Variants in USP53 observed in about 807,000 individuals in gnomAD.
USP53 encodes the protein ubiquitin carboxyl-terminal hydrolase 53.
A neutral mutation model predicts 94.9 loss-of-function variants in USP53; 71 were observed. The ratio of observed to expected loss-of-function variants is 0.75; its 90% confidence interval spans 0.62 to 0.91. The LOEUF (loss-of-function observed/expected upper bound fraction) is 0.91. USP53 is among the 40% of genes least tolerant of loss of function. The pLI, the probability that USP53 is intolerant of heterozygous loss-of-function variation, is 0.00. For synonymous variants in USP53, 375 were observed against 422.7 expected (o/e 0.89, Z 1.39); for missense variants, 1,173 against 1,281.0 (o/e 0.92, Z 1.29).
chr4:119,288,704 A>G (rs1754379093), intron 17 of USP53, among the ~76,000 whole-genome samples: 1 of 152,074 alleles, frequency 6.6e-6, no homozygotes, highest in Admixed American at 6.5e-5. Context: ...TGGGAGGCCG[A>G]CGCTGGCGGA....
Position 119,292,781 on chromosome 4 carries a change from T to C in USP53, c.2792T>C (p.Ile931Thr), listed in dbSNP as rs755045605. 3 of 1,613,988 alleles carry C rather than the reference T, an allele frequency of 1.9e-6. No individual in the cohort carries two copies. Among genetic ancestry groups the C allele is most frequent in the Non-Finnish European group, 2.5e-6 (3 of 1,179,994 alleles). Residue 931 changes from isoleucine (I) to threonine (T), a missense_variant, in exon 19 of 19, where the codon ATA (isoleucine) becomes ACA (threonine). Coordinates refer to ENST00000692078, the MANE Select transcript of USP53 (RefSeq NM_001371395.1). ...PPPLPPKKYAITSVPQSEKSE... is the reference protein window; with the variant it reads ...PPPLPPKKYATTSVPQSEKSE... Reference sequence around the variant, plus strand: ...CCTTTGCCACCAAAGAAATATGCTATAACCAGTGTGCCACAGTCAGAGAAA... The same window carrying C: ...CCTTTGCCACCAAAGAAATATGCTACAACCAGTGTGCCACAGTCAGAGAAA...
At chr4:119,273,464 C>T (rs562660355) in intron 16 of USP53, 168 bp from the exon 17 acceptor site, 93 of 487,162 alleles carry the variant, frequency 1.9e-4, no homozygotes, top group Non-Finnish European at 3.4e-4. Flanking sequence ...CAGTCTTTAT[C>T]TTCTGTAAAA....
At chr4:119,244,495 T>G (rs1304348931) in intron 5 of USP53, among the ~76,000 whole-genome samples, 1 of 152,198 alleles carries the variant, frequency 6.6e-6, no homozygotes, top group East Asian at 1.9e-4. Flanking sequence ...GTTGTAATAG[T>G]AGTAACAGCC....
intron 5 of USP53, among the ~76,000 whole-genome samples, chr4:119,242,392 C>G (rs1747664247): frequency 6.6e-6 from 1 of 152,134 alleles, no homozygotes; most frequent in African/African-American, 2.4e-5. Context: ...GTTAATTTCT[C>G]TGCTATTGAG....
At chr4:119,290,384 A>G (rs1280854626) in intron 17 of USP53, among the ~76,000 whole-genome samples, 2 of 152,206 alleles carry the variant, frequency 1.3e-5, no homozygotes, top group Non-Finnish European at 1.5e-5. Context: ...GAAGTTAAGT[A>G]TCAATTATTA....
At chr4:119,253,157 G>A (rs182791042) in intron 7 of USP53, among the ~76,000 whole-genome samples, 80 of 151,188 alleles carry the variant, frequency 5.3e-4, no homozygotes, top group African/African-American at 9.9e-4. Context: ...TTATGTGGTC[G>A]GTTTTAGATT....
chr4:119,213,641 G>GATATATATATATATAT lies in USP53; in HGVS notation c.-941-424_-941-409dup, dbSNP rs141285286. Among the ~76,000 whole-genome samples, 696 of 107,984 alleles carry GATATATATATATATAT rather than the reference G, an allele frequency of 6.4e-3. 4 individuals carry two copies. The highest frequency in any genetic ancestry group is 0.014 in the Middle Eastern group (3 of 210). The allele number at this position is 107,984 out of a possible 152,430, so 70.8% of individuals were successfully genotyped here. Reference sequence around the variant, plus strand: ...CCGAAAGTTTCCTTATCTGGAAATAGATATATATATATATATATATGTGTG... The same window carrying GATATATATATATATAT: ...CCGAAAGTTTCCTTATCTGGAAATAGATATATATATATATATATATATATATATATATATATGTGTG... On this transcript the variant is annotated intron_variant, in intron 1 of 18. Transcript: ENST00000692078.
intron 7 of USP53, 73 bp downstream of exon 7, chr4:119,248,955 C>T: frequency 1.3e-6 from 2 of 1,543,302 alleles, no homozygotes. Context: ...AGTGTTGAGA[C>T]AAATGAAACA....
intron 3 of USP53, among the ~76,000 whole-genome samples, chr4:119,223,655 C>T (rs1285340133): frequency 7.9e-5 from 12 of 152,170 alleles, no homozygotes; most frequent in Non-Finnish European, 2.9e-5. Context: ...TCTTTACCAT[C>T]CACATTATTT....
intron 10 of USP53, 24 bp downstream of exon 10, chr4:119,259,949 A>C: frequency 6.5e-7 from 1 of 1,533,506 alleles, no homozygotes; most frequent in Non-Finnish European, 8.9e-7. Flanking sequence ...GGAGAATATT[A>C]GTATGCTTCT....
rs1456229346 is a variant in USP53 at position 119,293,723 on chromosome 4, T to C, written c.*512T>C. ...AGCCTGGTACTTTTTTGTCAAAGAATTGCTTTATGAAGAAGCACTTTCTAA... is the reference window on the plus strand; with the variant it reads ...AGCCTGGTACTTTTTTGTCAAAGAACTGCTTTATGAAGAAGCACTTTCTAA... On this transcript the variant is annotated 3_prime_UTR_variant, in exon 19 of 19. Transcript: ENST00000692078. 6.6e-6 allele frequency: 1 copy of C among 152,234 alleles called. No individual in the cohort carries two copies. Among genetic ancestry groups the C allele is most frequent in the Admixed American group, 6.5e-5 (1 of 15,268 alleles). The allele number at this position is 152,234 out of a possible 1,614,324, so 9.4% of individuals were successfully genotyped here. A position where few individuals can be genotyped will look rare whatever the true frequency, so the allele number is the denominator to read the frequency against.
intron 3 of USP53, among the ~76,000 whole-genome samples, chr4:119,230,512 T>C (rs149834895): frequency 1.4e-3 from 211 of 152,308 alleles, no homozygotes; most frequent in African/African-American, 4.9e-3. Flanking sequence ...TGACCCTTGA[T>C]AGGTGTCCCT....
chr4:119,244,622 C>G (rs1747978150), intron 5 of USP53, among the ~76,000 whole-genome samples: 1 of 152,128 alleles, frequency 6.6e-6, no homozygotes, highest in African/African-American at 2.4e-5. Flanking sequence ...TATTCTTATC[C>G]TCATTGTCTA....
rs776952628 is a variant in USP53, at chr4:119,273,646, C to G, written c.2189C>G (p.Thr730Arg). Residue 730 changes from threonine to arginine, a missense_variant, in exon 17 of 19, where the codon ACA (threonine) becomes AGA (arginine). Coordinates refer to ENST00000692078, the MANE Select transcript of USP53 (RefSeq NM_001371395.1). ...ETVCFSDQIT[T>R]SNLNKERGDC... The stretch of plus-strand genomic sequence containing the variant: ...TTATTTTCTAGTGACCAGATTACGA[C>G]AAGCAACCTAAATAAAGAACGTGGG... 8 of 1,612,680 alleles carry G rather than the reference C, an allele frequency of 5.0e-6. No individual in the cohort carries two copies. The highest frequency in any genetic ancestry group is 6.8e-6 in the Non-Finnish European group (8 of 1,179,304).
chr4:119,228,387 G>A (rs1745604658), intron 3 of USP53, among the ~76,000 whole-genome samples: 1 of 152,118 alleles, frequency 6.6e-6, no homozygotes, highest in South Asian at 2.1e-4. Flanking sequence ...CTCTTTTTCT[G>A]TCACCAGCCA....
intron 17 of USP53, among the ~76,000 whole-genome samples, chr4:119,278,400 C>A (rs1217591394): frequency 4.7e-5 from 7 of 147,374 alleles, no homozygotes; most frequent in African/African-American, 5.0e-5. Flanking sequence ...GTTGAAAATT[C>A]TTTTCTTTAA....
intron 6 of USP53, among the ~76,000 whole-genome samples, chr4:119,247,412 C>T (rs1286526640): frequency 1.3e-5 from 2 of 152,150 alleles, no homozygotes; most frequent in African/African-American, 4.8e-5. Flanking sequence ...TTATGCCTCT[C>T]CTCAAATGTT....
intron 7 of USP53, among the ~76,000 whole-genome samples, chr4:119,254,746 G>A (rs1254287460): frequency 6.6e-6 from 1 of 152,084 alleles, no homozygotes; most frequent in Non-Finnish European, 1.5e-5. Context: ...CTCGTTCTCC[G>A]ACCAGTTTTG....
chr4:119,271,319 C>T lies in USP53; in HGVS notation c.1459C>T (p.His487Tyr), dbSNP rs1751828909. ...HRDLVDEDLS[H>Y]FQSGSPPAPN... ...AGATTTGGTTGATGAAGACCTTTCA[C>T]ATTTCCAATCTGGATCACCTCCTGC... Residue 487 changes from histidine to tyrosine, a missense_variant, in exon 16 of 19, where the codon CAT becomes TAT. His to Tyr is a moderately conservative substitution (Grantham distance 83, BLOSUM62 2). Coordinates refer to ENST00000692078, the MANE Select transcript of USP53 (RefSeq NM_001371395.1). The T allele has an allele frequency of 5.8e-6, 9 of 1,563,756 alleles. No individual in the cohort carries two copies. The highest frequency in any genetic ancestry group is 4.1e-5 in the African/African-American group (3 of 72,322).
Sources: gnomAD v4.1 joint callset for allele counts (sites outside exome capture counted in the v4.1 genomes callset) on GRCh38, gnomAD v4.1.1 for gene constraint, MANE v1.5 for transcripts, NCBI Gene and HGNC (gene_info 2026-07-23, HGNC 2026-07-21) for gene names.